CSMD1: variants seen among roughly 807,000 people sequenced by gnomAD.
The protein encoded by CSMD1 is CUB and Sushi multiple domains 1.
CSMD1 carries 213 observed loss-of-function variants against 417.5 expected under a neutral mutation model. The ratio of observed to expected loss-of-function variants is 0.51; its 90% CI spans 0.46 to 0.57. The LOEUF (loss-of-function observed/expected upper bound fraction) is 0.57, where lower values mean the gene tolerates loss of function less well. Ranked by LOEUF, CSMD1 falls within the 20% of genes least tolerant of loss-of-function variation. CSMD1 has a pLI of 0.00. For synonymous variants in CSMD1, 2,862 were observed against 1,736.8 expected, an observed-to-expected ratio of 1.65 and a Z score of -16.11; for missense variants, 6,923 against 4,529.7, an observed-to-expected ratio of 1.53 and a Z score of -15.17.
At chr8:4,719,441 G>A (rs1287352866) in intron 1 of CSMD1, among the ~76,000 whole-genome samples, 2 of 151,672 alleles carry the variant, frequency 1.3e-5, no homozygotes, top group Admixed American at 6.6e-5. Flanking sequence ...TAAGTCTCAG[G>A]CATTTGCTGC....
At chr8:3,395,349 T>C (rs878958326) in intron 17 of CSMD1, among the ~76,000 whole-genome samples, 1 of 152,210 alleles carries the variant, frequency 6.6e-6, no homozygotes, top group African/African-American at 2.4e-5. Flanking sequence ...GGAAGTGTTT[T>C]CAAACAGAGA....
chr8:4,876,917 T>C (rs1205773444), intron 1 of CSMD1, among the ~76,000 whole-genome samples: 1 of 152,090 alleles, frequency 6.6e-6, no homozygotes. Context: ...AGATTAGCTT[T>C]CTCCTAATCC....
At chr8:3,893,339 T>TTATCTATATATATATATATATATATATA (rs1807114101) in intron 5 of CSMD1, among the ~76,000 whole-genome samples, 1 of 80,440 alleles carries the variant, frequency 1.2e-5, no homozygotes, top group Non-Finnish European at 2.8e-5. Context: ...ATTCACAATT[T>TTATCTATATATATATATATATATATATA]TATATATATA....
At chr8:4,839,210 T>G (rs186428871) in intron 1 of CSMD1, among the ~76,000 whole-genome samples, 1 of 152,216 alleles carries the variant, frequency 6.6e-6, no homozygotes, top group Non-Finnish European at 1.5e-5. Flanking sequence ...TGAGTCACTC[T>G]GAATATGCAA....
At chr8:4,320,839 C>G (rs1009616298) in intron 3 of CSMD1, among the ~76,000 whole-genome samples, 1 of 152,114 alleles carries the variant, frequency 6.6e-6, no homozygotes. Flanking sequence ...TACTATAACC[C>G]AAAGGATTAT....
intron 3 of CSMD1, among the ~76,000 whole-genome samples, chr8:4,390,191 G>A (rs1051403343): frequency 3.1e-4 from 47 of 152,226 alleles, no homozygotes; most frequent in African/African-American, 1.1e-3. Context: ...AGTCTGGCTG[G>A]TATAAACATG....
chr8:4,984,029 G>A (rs567089569), intron 1 of CSMD1, among the ~76,000 whole-genome samples: 1 of 152,272 alleles, frequency 6.6e-6, no homozygotes, highest in African/African-American at 2.4e-5. Context: ...GATTATGGAG[G>A]ACTTTGAAAG....
chr8:4,470,939 G>A (rs902474677), intron 2 of CSMD1, among the ~76,000 whole-genome samples: 3 of 152,008 alleles, frequency 2.0e-5, no homozygotes, highest in Non-Finnish European at 2.9e-5. Context: ...GTATTTTTGG[G>A]ATTTCCCTCA....
chr8:4,339,240 G>C (rs1295704868), intron 3 of CSMD1, among the ~76,000 whole-genome samples: 1 of 152,130 alleles, frequency 6.6e-6, no homozygotes, highest in African/African-American at 2.4e-5. Flanking sequence ...AAATAATCTA[G>C]TTATGGTCTT....
intron 3 of CSMD1, among the ~76,000 whole-genome samples, chr8:4,410,646 C>G (rs1264146134): frequency 6.6e-6 from 1 of 151,920 alleles, no homozygotes; most frequent in African/African-American, 2.4e-5. Context: ...TGCATGTAAA[C>G]ATGGAGAAAT....
At chr8:4,394,775 C>CTG (rs1400993579) in intron 3 of CSMD1, among the ~76,000 whole-genome samples, 2 of 152,146 alleles carry the variant, frequency 1.3e-5, no homozygotes, top group Non-Finnish European at 2.9e-5. Flanking sequence ...CTGCACCTTC[C>CTG]TGTTGATGCA....
chr8:4,524,922 C>T (rs368834726), intron 2 of CSMD1, among the ~76,000 whole-genome samples: 7 of 152,038 alleles, frequency 4.6e-5, no homozygotes, highest in African/African-American at 1.7e-4. Flanking sequence ...ACAGCATTGC[C>T]ACATTCAAAG....
At chr8:4,088,092 A>G (rs571532125) in intron 3 of CSMD1, among the ~76,000 whole-genome samples, 38 of 152,328 alleles carry the variant, frequency 2.5e-4, no homozygotes, top group Non-Finnish European at 4.9e-4. Context: ...GGAAACCACA[A>G]AAGGAGAAAG....
chr8:3,877,666 A>G (rs1279720287), intron 5 of CSMD1, among the ~76,000 whole-genome samples: 2 of 133,108 alleles, frequency 1.5e-5, no homozygotes, highest in Non-Finnish European at 3.1e-5. Context: ...TCCCCTGAAT[A>G]AGGGTCTGAG....
chr8:4,267,750 C>G (rs1001617605), intron 3 of CSMD1, among the ~76,000 whole-genome samples: 1 of 152,064 alleles, frequency 6.6e-6, no homozygotes, highest in Non-Finnish European at 1.5e-5. Context: ...TGTAAGGTGC[C>G]ACTCTTAGCA....
At chr8:3,100,853 C>G (rs919656035) in intron 46 of CSMD1, among the ~76,000 whole-genome samples, 1 of 151,998 alleles carries the variant, frequency 6.6e-6, no homozygotes, top group Admixed American at 6.6e-5. Flanking sequence ...ATAGGTATGA[C>G]AGAATTGGAG....
chr8:4,307,392 C>G (rs752195817), intron 3 of CSMD1, among the ~76,000 whole-genome samples: 3 of 152,164 alleles, frequency 2.0e-5, no homozygotes, highest in Middle Eastern at 6.3e-3. Context: ...CTCCTGCACT[C>G]TTTTCTCCAC....
At chr8:4,521,603 G>A (rs996730372) in intron 2 of CSMD1, among the ~76,000 whole-genome samples, 11 of 152,154 alleles carry the variant, frequency 7.2e-5, no homozygotes, top group African/African-American at 2.4e-4. Flanking sequence ...AAAATAAAGA[G>A]ACAAAAATAA....
intron 3 of CSMD1, among the ~76,000 whole-genome samples, chr8:4,089,517 G>A (rs539155603): frequency 6.6e-6 from 1 of 152,118 alleles, no homozygotes; most frequent in South Asian, 2.1e-4. Flanking sequence ...ATATATCCAA[G>A]TCTTATATAG....
Sources: gnomAD v4.1 joint callset for allele counts (sites outside exome capture counted in the v4.1 genomes callset) on GRCh38, gnomAD v4.1.1 for gene constraint, MANE v1.5 for transcripts, NCBI Gene and HGNC (gene_info 2026-07-23, HGNC 2026-07-21) for gene names.